The following FBXW4 variants were observed in gnomAD, a reference collection of about 807,000 sequenced individuals.
The protein encoded by FBXW4 is F-box and WD repeat domain containing 4, also known as F-box/WD repeat-containing protein 4.
In FBXW4, 40 loss-of-function variants were observed where a neutral mutation model predicts 61.8. The observed-to-expected ratio is 0.65, with a 90% confidence interval of 0.50 to 0.84. The LOEUF (loss-of-function observed/expected upper bound fraction) is 0.84, where lower values mean the gene tolerates loss of function less well. Ranked by LOEUF, FBXW4 falls within the 40% of genes least tolerant of loss-of-function variation. The pLI is 0.00. For missense variants in FBXW4, 672 were observed against 753.8 expected, an observed-to-expected ratio of 0.89 and a Z score of 1.27; for synonymous variants, 311 against 313.8, an observed-to-expected ratio of 0.99 and a Z score of 0.10.
At chr10:101,663,264 A>G (rs1166428036) in intron 5 of FBXW4, among the ~76,000 whole-genome samples, 3 of 152,194 alleles carry the variant, frequency 2.0e-5, no homozygotes, top group Non-Finnish European at 4.4e-5. Context: ...CATTACAGCC[A>G]TGTGCCTATC....
chr10:101,643,152 A>G (rs1302693012), intron 5 of FBXW4, among the ~76,000 whole-genome samples: 1 of 152,250 alleles, frequency 6.6e-6, no homozygotes, highest in Non-Finnish European at 1.5e-5. Context: ...TGATTCCTTT[A>G]CTGCTGAGTC....
intron 5 of FBXW4, among the ~76,000 whole-genome samples, chr10:101,648,339 G>A (rs2064118219): frequency 6.6e-6 from 1 of 151,998 alleles, no homozygotes. Flanking sequence ...CCTGCTCTTG[G>A]GTATAAACTC....
intron 6 of FBXW4, among the ~76,000 whole-genome samples, chr10:101,620,584 G>A (rs1365538314): frequency 6.6e-6 from 1 of 152,232 alleles, no homozygotes; most frequent in Admixed American, 6.5e-5. Flanking sequence ...AGCGGGCAGG[G>A]CTGTTTCTTC....
At chr10:101,616,751 TGG>T (rs2063828753) in intron 6 of FBXW4, among the ~76,000 whole-genome samples, 1 of 152,228 alleles carries the variant, frequency 6.6e-6, no homozygotes, top group Non-Finnish European at 1.5e-5. Flanking sequence ...CAGGCCACAG[TGG>T]GCCTTAGGGT....
At chr10:101,627,033 C>T (rs903856474) in intron 5 of FBXW4, 10 of 151,216 alleles carry the variant, frequency 6.6e-5, no homozygotes, top group Non-Finnish European at 1.2e-4. Flanking sequence ...CACCTTCATA[C>T]CCTGTACAGG....
chr10:101,666,736 C>T (rs1402712862), intron 5 of FBXW4, among the ~76,000 whole-genome samples: 1 of 152,004 alleles, frequency 6.6e-6, no homozygotes, highest in Non-Finnish European at 1.5e-5. Context: ...AAGCAGAAGT[C>T]GGGATGCAAA....
chr10:101,664,584 G>A (rs2134880424), intron 5 of FBXW4, among the ~76,000 whole-genome samples: 1 of 152,302 alleles, frequency 6.6e-6, no homozygotes, highest in East Asian at 1.9e-4. Context: ...ACTACAGGGG[G>A]AAGAGAGATT....
rs867331404 is a variant in FBXW4 at position 101,624,095 on chromosome 10, C to G, written c.1301+650G>C. Among the ~76,000 whole-genome samples the G allele has an allele frequency of 3.1e-4, 46 of 149,240 alleles. No homozygotes were observed. The South Asian group carries it at 3.8e-3, about 12-fold the overall frequency. ...AGACACACATAGACACAGACAGACA[C>G]ACACACACACACACACACACACACA... On this transcript the variant is annotated intron_variant, in intron 6 of 8. Transcript: ENST00000331272.
intron 5 of FBXW4, among the ~76,000 whole-genome samples, chr10:101,651,094 C>T (rs144453372): frequency 2.6e-5 from 4 of 152,290 alleles, no homozygotes; most frequent in Admixed American, 2.6e-4. Flanking sequence ...CACATTCCTT[C>T]GAGAAACAGG....
rs2064651219 is a variant in FBXW4, at chr10:101,694,475, G to C, written c.631C>G (p.Arg211Gly). The change falls in exon 1 of 9, where the codon CGC becomes GGC. Residue 211 changes from arginine (R) to glycine (G), a missense_variant. Physicochemically the swap from Arg to Gly is moderately radical, Grantham distance 125 (BLOSUM62 -2). Coordinates refer to ENST00000331272, the MANE Select transcript of FBXW4 (RefSeq NM_022039.4). The surrounding 1 kb of genome is among the most constrained non-coding windows in gnomAD (Gnocchi z 6.0). Reference sequence around the variant, plus strand: ...CAGCTGGTGAAGCGCCGCAGCCAGCGGCACACCTGGGCCAGGCGGCCGAGG... The same window carrying C: ...CAGCTGGTGAAGCGCCGCAGCCAGCCGCACACCTGGGCCAGGCGGCCGAGG... ...RALGRLAQVC[R>G]WLRRFTSCDL... 2 of 1,530,894 alleles carry C rather than the reference G, an allele frequency of 1.3e-6. No individual in the cohort carries two copies. The highest frequency in any genetic ancestry group is 5.3e-5 in the East Asian group (2 of 37,936). The allele number at this position is 1,530,894 out of a possible 1,614,324, so 94.8% of individuals were successfully genotyped here. A position where few individuals can be genotyped will look rare whatever the true frequency, so the allele number is the denominator to read the frequency against.
chr10:101,670,778 G>A (rs1482309666), intron 4 of FBXW4, among the ~76,000 whole-genome samples: 2 of 152,218 alleles, frequency 1.3e-5, no homozygotes, highest in East Asian at 3.8e-4. Context: ...GCTACCAGCT[G>A]TTCACATCTC....
Position 101,612,337 on chromosome 10 carries a change from C to G in FBXW4, c.1442G>C (p.Arg481Pro). 1 of 1,560,806 alleles carries G rather than the reference C, an allele frequency of 6.4e-7. No homozygotes were observed. The highest frequency in any genetic ancestry group is 1.2e-5 in the South Asian group (1 of 80,566). Residue 481 changes from arginine (R) to proline (P), a missense_variant and splice_region_variant, in exon 7 of 9, where the codon CGG becomes CCG. By Grantham distance (103) the Arg-to-Pro change is moderately radical. This residue lies in a region of FBXW4 where 312 missense variants were observed against 370.1 expected (regional missense o/e 0.84). Transcript: ENST00000331272. The stretch of plus-strand genomic sequence containing the variant: ...TGTCCTCCCTGCCCAGCACACTCAC[C>G]GGACGCTGGTGCGGAGGTCCCAGTA... ...VRYWDLRTSV[R>P]KCVMEWEEPH...
intron 5 of FBXW4, among the ~76,000 whole-genome samples, chr10:101,667,462 A>G (rs111250085): frequency 3.9e-5 from 6 of 152,260 alleles, no homozygotes; most frequent in African/African-American, 1.4e-4. Flanking sequence ...GGGATACTCC[A>G]GAGGACATTT....
At position 101,640,932 on chromosome 10, in the gene FBXW4, G is replaced by A. The variant is rs368925861; in HGVS notation, c.1236-16122C>T. Among the ~76,000 whole-genome samples, 4 of 151,712 alleles carry A rather than the reference G, an allele frequency of 2.6e-5. No individual in the cohort carries two copies. In the East Asian group the frequency reaches 5.8e-4, roughly 22 times the overall value. On this transcript the variant is annotated intron_variant, in intron 5 of 8. Coordinates refer to ENST00000331272, the MANE Select transcript of FBXW4 (RefSeq NM_022039.4). ...TGCAACCTCCACCTCCCAGGTTCAAGCAATTCTTCTGCCTCAGCCTCCCGA... is the reference window on the plus strand; with the variant it reads ...TGCAACCTCCACCTCCCAGGTTCAAACAATTCTTCTGCCTCAGCCTCCCGA...
chr10:101,671,325 A>C (rs1434461885), intron 4 of FBXW4, among the ~76,000 whole-genome samples: 1 of 152,226 alleles, frequency 6.6e-6, no homozygotes, highest in Non-Finnish European at 1.5e-5. Context: ...CTGACCTAAA[A>C]GAAATCCTCA....
chr10:101,664,806 A>T (rs1273498339), intron 5 of FBXW4, among the ~76,000 whole-genome samples: 1 of 152,212 alleles, frequency 6.6e-6, no homozygotes, highest in Non-Finnish European at 1.5e-5. Flanking sequence ...TGGGTGATAA[A>T]GTGAAACCCT....
In FBXW4 at chr10:101,695,119, G is replaced by T. The variant is rs1450913621; in HGVS notation, c.-14C>A. On this transcript the variant is annotated 5_prime_UTR_variant, in exon 1 of 9. Coordinates refer to ENST00000331272, the MANE Select transcript of FBXW4 (RefSeq NM_022039.4). This position sits in a 1 kb window ranked among gnomAD's most constrained non-coding sequence, Gnocchi z 4.2. The stretch of plus-strand genomic sequence containing the variant: ...CTGGCTGCCCATGAGCGGCCGCGGG[G>T]CCGGCCCGACGCGGAGCCCAGCCCG... The T allele has an allele frequency of 2.0e-6, 2 of 985,144 alleles. No homozygotes were observed. Among genetic ancestry groups the T allele is most frequent in the Non-Finnish European group, 2.4e-6 (2 of 830,126 alleles). The allele number at this position is 985,144 out of a possible 1,614,324, so 61.0% of individuals were successfully genotyped here.
At chr10:101,619,117 T>C (rs1372799001) in intron 6 of FBXW4, among the ~76,000 whole-genome samples, 1 of 152,130 alleles carries the variant, frequency 6.6e-6, no homozygotes, top group African/African-American at 2.4e-5. Context: ...AGGATGGCTT[T>C]GGCATAGTTC....
chr10:101,612,625 A>G (rs1036483612), intron 6 of FBXW4, 148 bp from the exon 7 acceptor site: 2 of 902,640 alleles, frequency 2.2e-6, no homozygotes, highest in Non-Finnish European at 3.1e-6. Context: ...GGAGATGCCC[A>G]ATTCCTACCC....
Sources: allele counts gnomAD v4.1 joint callset (sites outside exome capture counted in the v4.1 genomes callset), GRCh38; gene constraint gnomAD v4.1.1; regional missense constraint gnomAD v4.1.1; non-coding constraint Gnocchi (gnomAD v3.1); transcripts MANE v1.5; gene names NCBI Gene and HGNC (gene_info 2026-07-23, HGNC 2026-07-21).